PTPRD: variants seen among roughly 807,000 people sequenced by gnomAD.
PTPRD encodes the protein receptor-type tyrosine-protein phosphatase delta.
In PTPRD, 34 loss-of-function variants were observed where a neutral mutation model predicts 214.5. The observed-to-expected ratio is 0.16, with a 90% CI of 0.12 to 0.21. The LOEUF (loss-of-function observed/expected upper bound fraction) is 0.21, where lower values mean the gene tolerates loss of function less well. Ranked by LOEUF, PTPRD falls within the 10% of genes least tolerant of loss-of-function variation. PTPRD has a pLI of 1.00. For synonymous variants in PTPRD, 1,128 were observed against 845.7 expected, an observed-to-expected ratio of 1.33 and a Z score of -5.79; for missense variants, 2,545 against 2,398.7, an observed-to-expected ratio of 1.06 and a Z score of -1.27.
chr9:10,027,822 ACAGCATTACCT>A (rs1460127271), intron 4 of PTPRD, among the ~76,000 whole-genome samples: 1 of 152,206 alleles, frequency 6.6e-6, no homozygotes, highest in East Asian at 1.9e-4. Context: ...GTAAAATATA[ACAGCATTACCT>A]CTTACTTTGA....
At chr9:9,441,556 C>G (rs1317457751) in intron 8 of PTPRD, among the ~76,000 whole-genome samples, 3 of 152,130 alleles carry the variant, frequency 2.0e-5, no homozygotes, top group African/African-American at 7.2e-5. Context: ...GATCTGTTCT[C>G]TGCTGTTTAT....
chr9:10,488,442 C>A (rs1347632836), intron 2 of PTPRD, among the ~76,000 whole-genome samples: 1 of 151,444 alleles, frequency 6.6e-6, no homozygotes, highest in Non-Finnish European at 1.5e-5. Flanking sequence ...CCAAGGCCCA[C>A]TGTAATCATT....
At chr9:8,831,711 A>G (rs1335778861) in intron 11 of PTPRD, among the ~76,000 whole-genome samples, 1 of 152,208 alleles carries the variant, frequency 6.6e-6, no homozygotes, top group Non-Finnish European at 1.5e-5. Context: ...CCACAGTTAG[A>G]ATGAATTTTA....
chr9:9,513,784 T>G (rs1330505530), intron 8 of PTPRD, among the ~76,000 whole-genome samples: 2 of 152,008 alleles, frequency 1.3e-5, no homozygotes, highest in Non-Finnish European at 2.9e-5. Flanking sequence ...TAATGGGACC[T>G]CAATGATAGT....
At chr9:9,080,062 A>G (rs1006369450) in intron 10 of PTPRD, among the ~76,000 whole-genome samples, 12 of 152,062 alleles carry the variant, frequency 7.9e-5, no homozygotes, top group Non-Finnish European at 1.5e-4. Flanking sequence ...TCTGGGTTTA[A>G]TCTAATTTAG....
At chr9:9,545,174 G>A (rs1363405602) in intron 8 of PTPRD, among the ~76,000 whole-genome samples, 1 of 151,462 alleles carries the variant, frequency 6.6e-6, no homozygotes, top group Non-Finnish European at 1.5e-5. Flanking sequence ...GTTTACCTTA[G>A]GGTTCACTCT....
chr9:9,799,804 G>A (rs1445068135), intron 5 of PTPRD, among the ~76,000 whole-genome samples: 1 of 152,142 alleles, frequency 6.6e-6, no homozygotes. Flanking sequence ...GACAAAGCAA[G>A]GAAGATAAAA....
chr9:10,607,727 T>C (rs2079836402), intron 2 of PTPRD, among the ~76,000 whole-genome samples: 1 of 151,976 alleles, frequency 6.6e-6, no homozygotes, highest in Non-Finnish European at 1.5e-5. Context: ...TTATATCACA[T>C]GAATTATAAT....
chr9:9,229,411 A>T (rs2099961675), intron 9 of PTPRD, among the ~76,000 whole-genome samples: 1 of 152,110 alleles, frequency 6.6e-6, no homozygotes, highest in Admixed American at 6.6e-5. Flanking sequence ...GCCTCATAGA[A>T]GAAAGTCTGG....
chr9:9,366,637 A>T (rs1812510818), intron 9 of PTPRD, among the ~76,000 whole-genome samples: 1 of 151,548 alleles, frequency 6.6e-6, no homozygotes, highest in South Asian at 2.1e-4. Context: ...GGAAATAGAA[A>T]CATATCATCC....
intron 34 of PTPRD, among the ~76,000 whole-genome samples, chr9:8,443,906 T>G (rs2095632930): frequency 6.6e-6 from 1 of 152,178 alleles, no homozygotes; most frequent in Non-Finnish European, 1.5e-5. Flanking sequence ...GTAATTTGTT[T>G]GGTTTTCTTA....
chr9:9,972,628 A>T (rs911942904), intron 4 of PTPRD, among the ~76,000 whole-genome samples: 5 of 152,178 alleles, frequency 3.3e-5, no homozygotes, highest in African/African-American at 7.2e-5. Flanking sequence ...ACAGTTTTGG[A>T]GGTTGGAAAT....
Position 10,238,007 on chromosome 9 carries a change from G to C in PTPRD, c.-545+102956C>G, listed in dbSNP as rs1417473220. On this transcript the variant is annotated intron_variant, in intron 3 of 45. Transcript: ENST00000381196. ...GCAACATTGTTACCTATTAATTGCA[G>C]CTACAGGGCCGAGTTCCCATTTGCT... Among the ~76,000 whole-genome samples, 3 of 150,150 alleles carry C rather than the reference G, an allele frequency of 2.0e-5. 1 individual carries two copies. The Admixed American group carries it at 2.0e-4, about 10-fold the overall frequency.
At chr9:10,145,663 A>G (rs755391376) in intron 3 of PTPRD, among the ~76,000 whole-genome samples, 5 of 152,104 alleles carry the variant, frequency 3.3e-5, no homozygotes, top group East Asian at 1.9e-4. Context: ...TTGACTGTGC[A>G]TGGGATTGGT....
intron 5 of PTPRD, among the ~76,000 whole-genome samples, chr9:9,788,167 CT>C (rs904541937): frequency 2.0e-5 from 3 of 151,916 alleles, no homozygotes; most frequent in Admixed American, 6.6e-5. Flanking sequence ...TGTTTCTTTC[CT>C]TTTATTGTTT....
At position 10,283,648 on chromosome 9, in the gene PTPRD, T is replaced by A. The variant is rs572545759; in HGVS notation, c.-545+57315A>T. Among the ~76,000 whole-genome samples, 85 of 152,304 alleles carry A rather than the reference T, an allele frequency of 5.6e-4. 1 individual carries two copies. Among genetic ancestry groups the A allele is most frequent in the Non-Finnish European group, 8.5e-4 (58 of 68,034 alleles). ...TCAGTAAACAGAGATCAGGTCTCCA[T>A]TGATATAGGTGAAATTCTAACTGTC... On this transcript the variant is annotated intron_variant, in intron 3 of 45. Transcript: ENST00000381196.
chr9:9,246,151 G>C lies in PTPRD; in HGVS notation c.-202-62788C>G, dbSNP rs115199066. On this transcript the variant is annotated intron_variant, in intron 9 of 45. Transcript: ENST00000381196. The stretch of plus-strand genomic sequence containing the variant: ...AATATGATATTTTAGAAGAAAGGTA[G>C]AGTGAATTCATTATTAGACTCTAGC... Among the ~76,000 whole-genome samples the C allele has an allele frequency of 7.4e-3, 1,126 of 152,138 alleles. 16 individuals are homozygous for C. Among genetic ancestry groups the C allele is most frequent in the African/African-American group, 0.026 (1,076 of 41,530 alleles).
chr9:8,387,668 G>A (rs571887743), intron 37 of PTPRD, among the ~76,000 whole-genome samples: 1 of 152,276 alleles, frequency 6.6e-6, no homozygotes, highest in South Asian at 2.1e-4. Context: ...CAGACTGTCT[G>A]TCTTCAATTC....
At chr9:9,971,827 TAACTAC>T (rs1055801307) in intron 4 of PTPRD, among the ~76,000 whole-genome samples, 11 of 152,282 alleles carry the variant, frequency 7.2e-5, no homozygotes, top group African/African-American at 2.6e-4. Flanking sequence ...TTAAACTGTA[TAACTAC>T]TTAATGCTCT....
Sources: gnomAD v4.1 joint callset for allele counts (sites outside exome capture counted in the v4.1 genomes callset) on GRCh38, gnomAD v4.1.1 for gene constraint, MANE v1.5 for transcripts, NCBI Gene and HGNC (gene_info 2026-07-23, HGNC 2026-07-21) for gene names.